The following FYCO1 variants were observed in gnomAD, a reference collection of about 807,000 sequenced individuals.
FYCO1 encodes the protein FYVE and coiled-coil domain-containing protein 1.
A neutral mutation model predicts 165.1 loss-of-function variants in FYCO1; 122 were observed. The ratio of observed to expected loss-of-function variants is 0.74; its 90% CI spans 0.64 to 0.86. The LOEUF (loss-of-function observed/expected upper bound fraction) is 0.86, where lower values mean the gene tolerates loss of function less well. Ranked by LOEUF, FYCO1 falls within the 40% of genes least tolerant of loss-of-function variation. The pLI is 0.00. For synonymous variants in FYCO1, 648 were observed against 742.5 expected (o/e 0.87, Z 2.07); for missense variants, 1,702 against 1,810.3 (o/e 0.94, Z 1.09).
At position 45,966,783 on chromosome 3, in the gene FYCO1, G is replaced by A. The variant is rs770808183; in HGVS notation, c.2551C>T (p.Arg851Cys). 3 of 1,609,594 alleles carry A rather than the reference G, an allele frequency of 1.9e-6. No individual in the cohort carries two copies. Among genetic ancestry groups the A allele is most frequent in the Admixed American group, 1.7e-5 (1 of 60,000 alleles). ...HVQELLQCSE[R>C]EGALQEERAD... is the part of the protein sequence containing the mutation. ...CTCTCCTCCTGCAGTGCCCCTTCAC[G>A]CTCCGAGCATTGCAGCAGCTCCTGG... The change falls in exon 8 of 18, where the codon CGT (arginine) becomes TGT (cysteine). Residue 851 changes from arginine (R) to cysteine (C), a missense_variant. Physicochemically the swap from Arg to Cys is radical, Grantham distance 180. Coordinates refer to ENST00000296137, the MANE Select transcript of FYCO1 (RefSeq NM_024513.4).
chr3:45,993,871 A>T lies in FYCO1; in HGVS notation c.-113+1851T>A, dbSNP rs1707669440. ...TGTGTCTTTGGAATCTTCAGTAAAC[A>T]AAAGTTACCTATCAGCTAAACATCT... On this transcript the variant is annotated intron_variant, in intron 1 of 17. Transcript: ENST00000296137. This position sits in a 1 kb window ranked among gnomAD's most constrained non-coding sequence, Gnocchi z 4.4. 6.6e-6 allele frequency among the ~76,000 whole-genome samples: 1 copy of T among 152,206 alleles called. No homozygotes were observed. The highest frequency in any genetic ancestry group is 2.4e-5 in the African/African-American group (1 of 41,444).
At chr3:45,975,192 A>C in intron 5 of FYCO1, 47 bp downstream of exon 5, 1 of 1,297,280 alleles carries the variant, frequency 7.7e-7, no homozygotes, top group Non-Finnish European at 1.1e-6. Flanking sequence ...ACTTTAGTTC[A>C]TTTCTGCACG....
intron 6 of FYCO1, 96 bp downstream of exon 6, chr3:45,972,992 G>T: frequency 7.4e-7 from 1 of 1,344,034 alleles, no homozygotes; most frequent in Non-Finnish European, 1.1e-6. Context: ...GTAATTTACT[G>T]AGCAAGCAAA....
At chr3:45,933,765 TCA>T (rs1259407265) in intron 15 of FYCO1, among the ~76,000 whole-genome samples, 5 of 151,782 alleles carry the variant, frequency 3.3e-5, no homozygotes, top group Non-Finnish European at 5.9e-5. Context: ...GCCAGGAAAA[TCA>T]CAGTGTGCAT....
At chr3:45,946,118 C>T (rs1156620497) in intron 14 of FYCO1, 1 of 217,366 alleles carries the variant, frequency 4.6e-6, no homozygotes, top group African/African-American at 2.3e-5. Context: ...CAGTGTTGCT[C>T]TTCCAAACAG....
chr3:45,923,686 T>C lies in FYCO1; in HGVS notation c.4331A>G (p.Tyr1444Cys). 6.2e-7 allele frequency: 1 copy of C among 1,614,034 alleles called. No individual in the cohort carries two copies. Among genetic ancestry groups the C allele is most frequent in the Non-Finnish European group, 8.5e-7 (1 of 1,179,866 alleles). ...GAAGGTATTGTCGAAGATGAGCATGTAGATGCCGGGTGTGCGAACCTTGAG... is the reference window on the plus strand; with the variant it reads ...GAAGGTATTGTCGAAGATGAGCATGCAGATGCCGGGTGTGCGAACCTTGAG... ...GQLKVRTPGI[Y>C]MLIFDNTFSR... The change falls in exon 17 of 18, where the codon TAC (tyrosine) becomes TGC (cysteine). Residue 1444 changes from tyrosine to cysteine, a missense_variant. Physicochemically the swap from Tyr to Cys is radical, Grantham distance 194. Coordinates refer to ENST00000296137, the MANE Select transcript of FYCO1 (RefSeq NM_024513.4).
At position 45,962,064 on chromosome 3, in the gene FYCO1, G is replaced by C. The variant is rs567838710; in HGVS notation, c.3437+161C>G. Among the ~76,000 whole-genome samples the C allele has an allele frequency of 3.3e-5, 5 of 152,124 alleles. No individual in the cohort carries two copies. The East Asian group carries it at 7.7e-4, about 23-fold the overall frequency. ...GCAGGCGCTGGAGTTTGGGACTCTA[G>C]TACTGGGGAAAGTGAGATGGAGAAG... On this transcript the variant is annotated intron_variant, in intron 11 of 17. Transcript: ENST00000296137. This position sits in a 1 kb window ranked among gnomAD's most constrained non-coding sequence, Gnocchi z 4.4.
rs544034578 is a variant in FYCO1, at chr3:45,954,989, T to G, written c.3944+260A>C. 2.6e-5 allele frequency among the ~76,000 whole-genome samples: 4 copies of G among 152,248 alleles called. No individual in the cohort carries two copies. In the South Asian group the frequency reaches 8.3e-4, roughly 32 times the overall value. On this transcript the variant is annotated intron_variant, in intron 14 of 17. Transcript: ENST00000296137. The stretch of plus-strand genomic sequence containing the variant: ...ATAGCACCCAAGCAAACTAATATAG[T>G]CGCTCAAGCCAAGAAAGACAGGCCT...
chr3:45,956,191 C>T (rs1705305721), intron 13 of FYCO1, among the ~76,000 whole-genome samples: 1 of 151,928 alleles, frequency 6.6e-6, no homozygotes, highest in Admixed American at 6.6e-5. Flanking sequence ...TAAAAATTAG[C>T]CAGGTGTGGT....
intron 16 of FYCO1, among the ~76,000 whole-genome samples, chr3:45,926,438 C>T (rs1371762762): frequency 3.3e-5 from 5 of 152,152 alleles, no homozygotes; most frequent in African/African-American, 1.2e-4. Context: ...ATAAATATGT[C>T]AGTTCATTAA....
chr3:45,931,791 A>T (rs1281160636), intron 15 of FYCO1, among the ~76,000 whole-genome samples: 1 of 152,186 alleles, frequency 6.6e-6, no homozygotes, highest in Non-Finnish European at 1.5e-5. Flanking sequence ...TCTGGCGTCC[A>T]TTGTAAGATT....
chr3:45,947,122 T>C (rs763564057), intron 14 of FYCO1: 1 of 1,614,272 alleles, frequency 6.2e-7, no homozygotes, highest in South Asian at 1.1e-5. Context: ...TATTCAGTCA[T>C]AATCAAAACA....
intron 16 of FYCO1, among the ~76,000 whole-genome samples, chr3:45,930,325 C>A (rs1283583014): frequency 6.6e-6 from 1 of 152,218 alleles, no homozygotes; most frequent in Admixed American, 6.5e-5. Flanking sequence ...GCATGGGTCT[C>A]CCTTCTCCTT....
In FYCO1 at chr3:45,968,192, G is replaced by A. The variant is rs3733101; in HGVS notation, c.1142C>T (p.Thr381Met). 3,463 of 1,613,972 alleles carry A rather than the reference G, an allele frequency of 2.1e-3. 32 individuals are homozygous for A. Among genetic ancestry groups the A allele is most frequent in the East Asian group, 0.014 (631 of 44,878 alleles). Residue 381 changes from threonine (T) to methionine (M), a missense_variant, in exon 8 of 18, where the codon ACG (threonine) becomes ATG (methionine). Coordinates refer to ENST00000296137, the MANE Select transcript of FYCO1 (RefSeq NM_024513.4). ...WLAMAQQKAD[T>M]ASDTKGRQEP... ...TTGCCGGCCCTTTGTGTCTGATGCC[G>A]TATCTGCCTTCTGCTGAGCCATGGC...
intron 1 of FYCO1, among the ~76,000 whole-genome samples, chr3:45,990,320 T>C (rs1198001100): frequency 6.6e-6 from 1 of 152,164 alleles, no homozygotes; most frequent in East Asian, 1.9e-4. Context: ...GGGCAGTGGG[T>C]GGAGCTCTGA....
chr3:45,931,395 C>A (rs1179803106), intron 15 of FYCO1, 114 bp from the exon 16 acceptor site: 10 of 971,476 alleles, frequency 1.0e-5, no homozygotes, highest in Admixed American at 2.0e-5. Context: ...CTTGAGAGGA[C>A]AAGCCCTGGG....
rs546718807 is a variant in FYCO1, at chr3:45,918,487, C to T, written c.*3278G>A. The T allele has an allele frequency of 1.3e-4, 18 of 138,524 alleles. No homozygotes were observed. In the East Asian group the frequency reaches 2.9e-3, roughly 22 times the overall value. The allele number at this position is 138,524 out of a possible 1,614,324, so 8.6% of individuals were successfully genotyped here. On this transcript the variant is annotated 3_prime_UTR_variant, in exon 18 of 18. Coordinates refer to ENST00000296137, the MANE Select transcript of FYCO1 (RefSeq NM_024513.4). ...TGACCATCCTTGGTTCTAAGCATCA[C>T]GAATGGCTTCTCTCTGCTTTAATTC...
At chr3:45,954,970 C>T (rs774698543) in intron 14 of FYCO1, among the ~76,000 whole-genome samples, 14 of 152,170 alleles carry the variant, frequency 9.2e-5, no homozygotes, top group Non-Finnish European at 8.8e-5. Flanking sequence ...TTATATAGCA[C>T]CCAAGCAAAC....
chr3:45,935,660 C>A (rs1020972539), intron 15 of FYCO1, among the ~76,000 whole-genome samples: 1 of 152,216 alleles, frequency 6.6e-6, no homozygotes, highest in Non-Finnish European at 1.5e-5. Flanking sequence ...TCCCTGTTAT[C>A]CTACTTTATC....
Sources: gnomAD v4.1 joint callset for allele counts (sites outside exome capture counted in the v4.1 genomes callset) on GRCh38, gnomAD v4.1.1 for gene constraint, Gnocchi (gnomAD v3.1) non-coding constraint, MANE v1.5 for transcripts, NCBI Gene and HGNC (gene_info 2026-07-23, HGNC 2026-07-21) for gene names.